The following ZNF90 variants were observed in gnomAD, a reference collection of about 807,000 sequenced individuals.
ZNF90 encodes the protein zinc finger protein HTF9.
A neutral mutation model predicts 12.0 loss-of-function variants in ZNF90; 11 were observed. That is an observed-to-expected ratio of 0.92 (90% CI 0.58 to 1.52). The LOEUF (loss-of-function observed/expected upper bound fraction) is 1.52, where lower values mean the gene tolerates loss of function less well. Ranked by LOEUF, ZNF90 falls within the 40% of genes most tolerant of loss-of-function variation. The probability of loss-of-function intolerance (pLI) is 0.00; values close to 1 mark genes in which losing one functional copy is unlikely to be tolerated. For synonymous variants in ZNF90, 232 were observed against 240.1 expected (o/e 0.97, Z 0.31); for missense variants, 765 against 711.5 (o/e 1.08, Z -0.86).
At chr19:20,109,576 G>C (rs1458720544) in intron 3 of ZNF90, among the ~76,000 whole-genome samples, 2 of 151,894 alleles carry the variant, frequency 1.3e-5, no homozygotes, top group Non-Finnish European at 2.9e-5. Flanking sequence ...ATTTATTAAA[G>C]TGTACATCAC....
intron 3 of ZNF90, among the ~76,000 whole-genome samples, chr19:20,117,397 C>CTCCTTCCTTACTTCCT (rs2089148453): frequency 1.1e-5 from 1 of 91,346 alleles, no homozygotes; most frequent in East Asian, 6.1e-4. Context: ...CTTTTCTTTT[C>CTCCTTCCTTACTTCCT]TCCTTCCTTC....
chr19:20,109,394 G>C (rs1555704794), intron 3 of ZNF90, among the ~76,000 whole-genome samples: 1 of 152,122 alleles, frequency 6.6e-6, no homozygotes, highest in East Asian at 1.9e-4. Flanking sequence ...CATGGAGATA[G>C]TCTTACTTTC....
At chr19:20,113,238 G>C (rs933895551) in intron 3 of ZNF90, among the ~76,000 whole-genome samples, 24 of 151,578 alleles carry the variant, frequency 1.6e-4, no homozygotes, top group African/African-American at 5.6e-4. Context: ...ACCCAGGCTG[G>C]AGTACAATGG....
At chr19:20,085,268 C>CTTTTTTTTTTCTTTTTTTTTTTTT (rs56068843) in intron 1 of ZNF90, among the ~76,000 whole-genome samples, 1 of 135,572 alleles carries the variant, frequency 7.4e-6, no homozygotes, top group African/African-American at 2.9e-5. Context: ...TTGCATTGGT[C>CTTTTTTTTTTCTTTTTTTTTTTTT]TTTTTTTTTT....
At chr19:20,083,481 C>G (rs1176474959) in intron 1 of ZNF90, among the ~76,000 whole-genome samples, 3 of 151,984 alleles carry the variant, frequency 2.0e-5, no homozygotes. Context: ...GCGTGCACCA[C>G]CACGTTTGGC....
intron 1 of ZNF90, among the ~76,000 whole-genome samples, chr19:20,090,169 T>C (rs1330460865): frequency 6.6e-6 from 1 of 152,064 alleles, no homozygotes; most frequent in South Asian, 2.1e-4. Flanking sequence ...GTAGGGCATT[T>C]ATAAGTAGTT....
Position 20,078,137 on chromosome 19 carries a change from TGA to T in ZNF90, c.3+6_3+7del. On this transcript the variant is annotated splice_donor_region_variant and intron_variant, in intron 1 of 3. Coordinates refer to ENST00000418063, the MANE Select transcript of ZNF90 (RefSeq NM_007138.2). ...GGGACCCCCGGAAGCCTAGAAATGGTGAGAGTGCCTTTCCAGCATTCCGAGAG... is the reference window on the plus strand; with the variant it reads ...GGGACCCCCGGAAGCCTAGAAATGGTGAGTGCCTTTCCAGCATTCCGAGAG... 1 of 1,614,024 alleles carries T rather than the reference TGA, an allele frequency of 6.2e-7. No homozygotes were observed. Among genetic ancestry groups the T allele is most frequent in the Non-Finnish European group, 8.5e-7 (1 of 1,179,998 alleles).
At chr19:20,116,361 G>C (rs905635549) in intron 3 of ZNF90, among the ~76,000 whole-genome samples, 1 of 151,968 alleles carries the variant, frequency 6.6e-6, no homozygotes, top group East Asian at 1.9e-4. Flanking sequence ...GTAGATACAG[G>C]GTTTCACCAT....
chr19:20,102,879 A>G (rs782250491), intron 1 of ZNF90, among the ~76,000 whole-genome samples: 14 of 152,254 alleles, frequency 9.2e-5, no homozygotes, highest in Non-Finnish European at 1.6e-4. Context: ...CTAGGGTGCT[A>G]AATGACGCCT....
At chr19:20,089,245 C>T (rs1050874694) in intron 1 of ZNF90, among the ~76,000 whole-genome samples, 9 of 152,066 alleles carry the variant, frequency 5.9e-5, no homozygotes, top group African/African-American at 1.7e-4. Flanking sequence ...CTATGAGCAA[C>T]CTTTCACTGT....
intron 1 of ZNF90, among the ~76,000 whole-genome samples, chr19:20,081,089 A>G (rs1161840889): frequency 6.6e-6 from 1 of 152,162 alleles, no homozygotes; most frequent in Non-Finnish European, 1.5e-5. Context: ...TGCAAGTGCC[A>G]CAATAGGATT....
At chr19:20,096,277 G>C (rs1163975836) in intron 1 of ZNF90, among the ~76,000 whole-genome samples, 2 of 152,224 alleles carry the variant, frequency 1.3e-5, no homozygotes, top group Non-Finnish European at 2.9e-5. Context: ...GCAAAGAACA[G>C]AGGACAGGGG....
intron 1 of ZNF90, among the ~76,000 whole-genome samples, chr19:20,089,676 G>C (rs938232900): frequency 1.3e-5 from 2 of 152,164 alleles, no homozygotes; most frequent in Non-Finnish European, 2.9e-5. Flanking sequence ...GCAGCTTGCT[G>C]ATGTGAAATG....
intron 1 of ZNF90, among the ~76,000 whole-genome samples, chr19:20,103,370 C>G (rs1231304916): frequency 6.6e-6 from 1 of 152,206 alleles, no homozygotes; most frequent in Admixed American, 6.5e-5. Context: ...GACATTATGT[C>G]AGTCATGCAA....
At chr19:20,116,518 G>A (rs782142362) in intron 3 of ZNF90, among the ~76,000 whole-genome samples, 3 of 152,058 alleles carry the variant, frequency 2.0e-5, no homozygotes, top group Non-Finnish European at 2.9e-5. Flanking sequence ...TTTTATAGTT[G>A]CTTTTGAAAT....
At chr19:20,088,641 A>G (rs981124877) in intron 1 of ZNF90, among the ~76,000 whole-genome samples, 1 of 152,196 alleles carries the variant, frequency 6.6e-6, no homozygotes. Context: ...AAGAATATGC[A>G]GGGTCCTCCT....
At chr19:20,090,673 A>T (rs1215128000) in intron 1 of ZNF90, among the ~76,000 whole-genome samples, 3 of 152,268 alleles carry the variant, frequency 2.0e-5, no homozygotes, top group African/African-American at 7.2e-5. Flanking sequence ...AAGCCTGGTG[A>T]ATTTCCTGTC....
intron 3 of ZNF90, among the ~76,000 whole-genome samples, chr19:20,110,448 T>G (rs2089078869): frequency 6.6e-6 from 1 of 152,024 alleles, no homozygotes; most frequent in Non-Finnish European, 1.5e-5. Flanking sequence ...CTAGCTGATT[T>G]TTTGTATTTT....
intron 1 of ZNF90, among the ~76,000 whole-genome samples, chr19:20,098,540 G>A (rs868992531): frequency 6.6e-6 from 1 of 152,144 alleles, no homozygotes; most frequent in African/African-American, 2.4e-5. Context: ...TGTGATACTG[G>A]AGTAGAGTAT....
Sources: allele counts gnomAD v4.1 joint callset (sites outside exome capture counted in the v4.1 genomes callset), GRCh38; gene constraint gnomAD v4.1.1; transcripts MANE v1.5; gene names NCBI Gene and HGNC (gene_info 2026-07-23, HGNC 2026-07-21).